NPAS3: variants seen among roughly 807,000 people sequenced by gnomAD.
NPAS3 encodes the protein neuronal PAS domain protein 3, also known as neuronal PAS domain-containing protein 3.
Under a neutral mutation model 73.1 loss-of-function variants are expected in NPAS3, and 14 were observed. The ratio of observed to expected loss-of-function variants is 0.19; its 90% CI spans 0.13 to 0.30. The LOEUF is 0.30. Ranked by LOEUF, NPAS3 falls within the 10% of genes least tolerant of loss-of-function variation. The probability of loss-of-function intolerance (pLI) is 1.00; values close to 1 mark genes in which losing one functional copy is unlikely to be tolerated. For synonymous variants in NPAS3, 620 were observed against 541.5 expected (o/e 1.14, Z -2.01); for missense variants, 1,096 against 1,250.0 (o/e 0.88, Z 1.86).
intron 3 of NPAS3, among the ~76,000 whole-genome samples, chr14:33,301,657 C>G (rs187787974): frequency 6.6e-6 from 1 of 152,160 alleles, no homozygotes; most frequent in African/African-American, 2.4e-5. Context: ...TGTAGCATTA[C>G]TAAAATACTT....
intron 3 of NPAS3, among the ~76,000 whole-genome samples, chr14:33,292,485 AC>A (rs2042140549): frequency 6.6e-6 from 1 of 152,096 alleles, no homozygotes; most frequent in Non-Finnish European, 1.5e-5. Context: ...AATAAAAATC[AC>A]CCCTTCATAT....
chr14:33,135,786 A>G lies in NPAS3; in HGVS notation c.141-79396A>G, dbSNP rs542342524. ...CTAGCATTGGAGTGGGTCGGGGTAA[A>G]TAATTTTAAAATGAATGAGCTCAGC... On this transcript the variant is annotated intron_variant, in intron 2 of 11. Coordinates refer to ENST00000356141, the Ensembl canonical transcript of NPAS3. Among the ~76,000 whole-genome samples, 9 of 152,328 alleles carry G rather than the reference A, an allele frequency of 5.9e-5. No homozygotes were observed. The East Asian group carries it at 1.2e-3, about 20-fold the overall frequency.
chr14:33,802,161 G>C (rs186143737), downstream of NPAS3: 1 of 151,788 alleles, frequency 6.6e-6, no homozygotes, highest in African/African-American at 2.4e-5. Flanking sequence ...ATAACACTTC[G>C]GAGTAAAAGA....
At chr14:33,595,486 A>G (rs987317132) in intron 5 of NPAS3, among the ~76,000 whole-genome samples, 2 of 152,250 alleles carry the variant, frequency 1.3e-5, no homozygotes, top group African/African-American at 2.4e-5. Flanking sequence ...CTGAAATAAA[A>G]TGCTGTGAAA....
intron 5 of NPAS3, among the ~76,000 whole-genome samples, chr14:33,574,530 C>G (rs74448344): frequency 0.011 from 1,610 of 152,078 alleles, 35 homozygotes; most frequent in African/African-American, 0.036. Flanking sequence ...ATGTATTCAA[C>G]AAATGTTGGC....
chr14:33,261,894 GA>G (rs2048989295), intron 3 of NPAS3, among the ~76,000 whole-genome samples: 1 of 152,176 alleles, frequency 6.6e-6, no homozygotes. Context: ...TGATCATGAG[GA>G]GTCTGTGCTT....
At chr14:33,044,112 T>G (rs566687701) in intron 1 of NPAS3, among the ~76,000 whole-genome samples, 4 of 152,336 alleles carry the variant, frequency 2.6e-5, no homozygotes, top group African/African-American at 7.2e-5. Flanking sequence ...CTATTACTTT[T>G]TTGTCAATGA....
intron 7 of NPAS3, among the ~76,000 whole-genome samples, chr14:33,737,211 AC>A (rs758357902): frequency 4.6e-5 from 7 of 152,198 alleles, no homozygotes; most frequent in Non-Finnish European, 1.0e-4. Context: ...GCAGGAGGCC[AC>A]TTTAAATAGG....
chr14:33,366,473 C>T (rs930020606), intron 3 of NPAS3, among the ~76,000 whole-genome samples: 6 of 152,064 alleles, frequency 3.9e-5, no homozygotes, highest in Middle Eastern at 3.4e-3. Flanking sequence ...GGAAGAGGAC[C>T]GACTCTTAGT....
Position 33,708,508 on chromosome 14 carries a change from A to G in NPAS3, c.734-26706A>G, listed in dbSNP as rs1048282536. On this transcript the variant is annotated intron_variant, in intron 6 of 11. Coordinates refer to ENST00000356141, the Ensembl canonical transcript of NPAS3. ...GAGATGGAAGGCAATGAGTAGGAAT[A>G]AAAGGCCATTTCTTTCTGTAGAAAG... Among the ~76,000 whole-genome samples the G allele has an allele frequency of 2.0e-5, 3 of 152,232 alleles. No individual in the cohort carries two copies. In the South Asian group the frequency reaches 6.2e-4, roughly 32 times the overall value.
chr14:33,447,315 G>T (rs1043161983), intron 4 of NPAS3, among the ~76,000 whole-genome samples: 4 of 152,172 alleles, frequency 2.6e-5, no homozygotes, highest in African/African-American at 7.2e-5. Context: ...AGAGCATGTT[G>T]TACAACCTGG....
chr14:33,370,753 G>A (rs2046051668), intron 4 of NPAS3, among the ~76,000 whole-genome samples: 2 of 152,136 alleles, frequency 1.3e-5, no homozygotes, highest in Non-Finnish European at 2.9e-5. Flanking sequence ...ATGGAATTGA[G>A]ATAGAATCAT....
At chr14:33,367,826 A>C (rs1415822370) in intron 4 of NPAS3, among the ~76,000 whole-genome samples, 3 of 152,210 alleles carry the variant, frequency 2.0e-5, no homozygotes, top group African/African-American at 7.2e-5. Flanking sequence ...TTGCCAGTGA[A>C]CTTCATGAAA....
intron 6 of NPAS3, among the ~76,000 whole-genome samples, chr14:33,731,605 G>T (rs940555837): frequency 9.2e-5 from 14 of 151,924 alleles, no homozygotes; most frequent in Non-Finnish European, 1.6e-4. Flanking sequence ...CTTCTTTACC[G>T]CCTCCTGCCC....
intron 5 of NPAS3, among the ~76,000 whole-genome samples, chr14:33,584,146 T>C (rs2056777303): frequency 6.6e-6 from 1 of 152,208 alleles, no homozygotes; most frequent in Admixed American, 6.5e-5. Context: ...TACTTCAAAA[T>C]GTGTATAGTT....
chr14:33,380,378 G>A (rs1160170320), intron 4 of NPAS3, among the ~76,000 whole-genome samples: 6 of 152,076 alleles, frequency 3.9e-5, no homozygotes, highest in Admixed American at 6.6e-5. Context: ...TATAGGACTC[G>A]CTACTATCTT....
intron 2 of NPAS3, among the ~76,000 whole-genome samples, chr14:33,189,646 A>G (rs1241977791): frequency 6.6e-6 from 1 of 152,202 alleles, no homozygotes; most frequent in Non-Finnish European, 1.5e-5. Context: ...GTTAGTGACA[A>G]AAAGCCTAAA....
chr14:33,308,527 T>TATACACACACACACACACAC, intron 3 of NPAS3, among the ~76,000 whole-genome samples: 2,213 of 103,612 alleles, frequency 0.021, 209 homozygotes, highest in Admixed American at 0.14. Context: ...TATATATATA[T>TATACACACACACACACACAC]ACATACACAC....
chr14:33,800,695 G>T lies in NPAS3; in HGVS notation c.2388G>T (p.Leu796Phe). 2 of 1,546,856 alleles carry T rather than the reference G, an allele frequency of 1.3e-6. No homozygotes were observed. The highest frequency in any genetic ancestry group is 1.7e-6 in the Non-Finnish European group (2 of 1,148,384). Residue 796 changes from leucine to phenylalanine, a missense_variant, in exon 12 of 12, where the codon TTG becomes TTT. Transcript: ENST00000356141. This position sits in a 1 kb window ranked among gnomAD's most constrained non-coding sequence, Gnocchi z 6.5. ...GGGACCTGGAGGCGCTGCAGAGGTT[G>T]CAGGCGGGCAACGTCGTGCTCCCGC...
Sources: allele counts gnomAD v4.1 joint callset (sites outside exome capture counted in the v4.1 genomes callset), GRCh38; gene constraint gnomAD v4.1.1; non-coding constraint Gnocchi (gnomAD v3.1); transcripts MANE v1.5; gene names NCBI Gene and HGNC (gene_info 2026-07-23, HGNC 2026-07-21).